DMP1: variants seen among roughly 807,000 people sequenced by gnomAD.
DMP1 encodes the protein dentin matrix acidic phosphoprotein 1, also known as dentin matrix protein 1.
DMP1 carries 20 observed loss-of-function variants against 14.6 expected under a neutral mutation model. The observed-to-expected ratio is 1.37, with a 90% confidence interval of 0.96 to 1.99. The LOEUF is 1.99. Among genes scored for constraint, DMP1 ranks in the 30% most tolerant of loss-of-function variants. The probability of loss-of-function intolerance (pLI) is 0.00; values close to 1 mark genes in which losing one functional copy is unlikely to be tolerated. For missense variants in DMP1, 567 were observed against 620.5 expected, an observed-to-expected ratio of 0.91 and a Z score of 0.92; for synonymous variants, 197 against 215.3, an observed-to-expected ratio of 0.91 and a Z score of 0.75.
Position 87,662,675 on chromosome 4 carries a change from C to T in DMP1, c.897C>T (p.Ser299=). 2 of 1,614,132 alleles carry T rather than the reference C, an allele frequency of 1.2e-6. No individual in the cohort carries two copies. Among genetic ancestry groups the T allele is most frequent in the Non-Finnish European group, 1.7e-6 (2 of 1,180,014 alleles). ...TCAAGAGTGACTCTACAGAAAACAG[C>T]AACTCCAGAGACACTGGCCTCAGCC... The part of the protein sequence containing the change: ...EEVKSDSTEN[S]NSRDTGLSQP... The change falls in exon 6 of 6, where the codon AGC becomes AGT. Residue 299 remains serine, a synonymous_variant. Coordinates refer to ENST00000339673, the MANE Select transcript of DMP1 (RefSeq NM_004407.4).
chr4:87,659,088 C>T lies in DMP1; in HGVS notation c.103-132C>T, dbSNP rs528203468. ...GGAACCATTTCATCATAAAATTTCA[C>T]TATTACTCATGTAAATGTAAGATCT... On this transcript the variant is annotated intron_variant, in intron 3 of 5. Coordinates refer to ENST00000339673, the MANE Select transcript of DMP1 (RefSeq NM_004407.4). The T allele has an allele frequency of 3.6e-4, 322 of 887,978 alleles. 10 individuals carry two copies. The South Asian group carries it at 4.5e-3, about 12-fold the overall frequency. 55.0% of individuals were successfully genotyped at this position (887,978 alleles called of 1,614,324 possible).
At chr4:87,650,662 C>T (rs779457142) in intron 1 of DMP1, among the ~76,000 whole-genome samples, 4 of 151,972 alleles carry the variant, frequency 2.6e-5, no homozygotes, top group Non-Finnish European at 5.9e-5. Flanking sequence ...GTTTATAGAA[C>T]AGGAGGCAGA....
At position 87,661,204 on chromosome 4, in the gene DMP1, ATTTTTTTTTTTTTTTTTTTTTTT is replaced by A. The variant is rs70957272; in HGVS notation, c.184-744_184-722del. Among the ~76,000 whole-genome samples the A allele has an allele frequency of 6.2e-3, 415 of 66,670 alleles. 6 individuals are homozygous for A. Among genetic ancestry groups the A allele is most frequent in the African/African-American group, 0.023 (391 of 16,790 alleles). The allele number at this position is 66,670 out of a possible 152,430, so 43.7% of individuals were successfully genotyped here. A position where few individuals can be genotyped will look rare whatever the true frequency, so the allele number is the denominator to read the frequency against. On this transcript the variant is annotated intron_variant, in intron 5 of 5. Transcript: ENST00000339673. Reference sequence around the variant, plus strand: ...AGGTTTGTGGCACCACAGCCAGCTAATTTTTTTTTTTTTTTTTTTTTTTTTTTTTTTTTTTTGAGACGGAGTCT... The same window carrying A: ...AGGTTTGTGGCACCACAGCCAGCTAATTTTTTTTTTTTTGAGACGGAGTCT...
chr4:87,654,763 T>A (rs1183953109), intron 1 of DMP1, among the ~76,000 whole-genome samples: 1 of 152,210 alleles, frequency 6.6e-6, no homozygotes, highest in East Asian at 1.9e-4. Context: ...TCATGCTCAG[T>A]GAATCTGCAT....
intron 3 of DMP1, 183 bp from the exon 4 acceptor site, chr4:87,659,037 G>A (rs1728778798): frequency 1.6e-6 from 1 of 643,360 alleles, no homozygotes; most frequent in Non-Finnish European, 2.8e-6. Context: ...ATCTTTTCAA[G>A]CCATTAGTCA....
intron 3 of DMP1, 141 bp from the exon 4 acceptor site, chr4:87,659,078 TA>T: frequency 2.4e-6 from 2 of 834,778 alleles, no homozygotes; most frequent in South Asian, 1.6e-5. Flanking sequence ...CATTTCATCA[TA>T]AAATTTCACT....
chr4:87,661,367 G>A (rs1380640263), intron 5 of DMP1, among the ~76,000 whole-genome samples: 5 of 151,860 alleles, frequency 3.3e-5, no homozygotes, highest in African/African-American at 7.3e-5. Flanking sequence ...GACTACAGGC[G>A]CCCGCCACCT....
At chr4:87,652,390 A>G (rs1046117607) in intron 1 of DMP1, among the ~76,000 whole-genome samples, 3 of 152,210 alleles carry the variant, frequency 2.0e-5, no homozygotes, top group African/African-American at 7.2e-5. Flanking sequence ...TATTTTTATC[A>G]GAAATACCAA....
Position 87,662,683 on chromosome 4 carries a change from G to T in DMP1, c.905G>T (p.Arg302Ile), listed in dbSNP as rs376055601. The T allele has an allele frequency of 1.8e-5, 29 of 1,614,028 alleles. No individual in the cohort carries two copies. The highest frequency in any genetic ancestry group is 5.0e-5 in the Admixed American group (3 of 59,996). Residue 302 changes from arginine to isoleucine, a missense_variant, in exon 6 of 6, where the codon AGA becomes ATA. Transcript: ENST00000339673. The part of the protein sequence containing the change: ...KSDSTENSNS[R>I]DTGLSQPRRD... ...GACTCTACAGAAAACAGCAACTCCAGAGACACTGGCCTCAGCCAACCCAGG... is the reference window on the plus strand; with the variant it reads ...GACTCTACAGAAAACAGCAACTCCATAGACACTGGCCTCAGCCAACCCAGG...
In DMP1 at chr4:87,657,031, G is replaced by C. The variant is rs587776697; in HGVS notation, c.55-1G>C. ...TTTACCATGTGTACTAAATTTTCTAGGTAACCAGGTATCAAAATAATGAAT... is the reference window on the plus strand; with the variant it reads ...TTTACCATGTGTACTAAATTTTCTACGTAACCAGGTATCAAAATAATGAAT... On this transcript the variant is annotated splice_acceptor_variant, in intron 2 of 5. Transcript: ENST00000339673. LOFTEE classifies it high-confidence loss of function. 9.1e-6 allele frequency: 14 copies of C among 1,539,902 alleles called. No homozygotes were observed. The highest frequency in any genetic ancestry group is 1.7e-5 in the Admixed American group (1 of 59,892).
rs764786698 is a variant in DMP1 at position 87,659,466 on chromosome 4, C to G, written c.171C>G (p.Ser57Arg). 1 of 1,613,820 alleles carries G rather than the reference C, an allele frequency of 6.2e-7. No homozygotes were observed. The highest frequency in any genetic ancestry group is 2.2e-5 in the East Asian group (1 of 44,868). ...SSESSEGSKV[S>R]SEEQANEDPS... is the part of the protein sequence containing the mutation. ...AGTCATCAGAAGGCAGTAAAGTTAG[C>G]TCAGAGGAACAGGTAATTAAACAGA... The change falls in exon 5 of 6, where the codon AGC becomes AGG. Residue 57 changes from serine to arginine, a missense_variant. By Grantham distance (110) the Ser-to-Arg change is moderately radical (BLOSUM62 -1). Coordinates refer to ENST00000339673, the MANE Select transcript of DMP1 (RefSeq NM_004407.4).
rs145164698 is a variant in DMP1 at position 87,662,116 on chromosome 4, C to A, written c.338C>A (p.Thr113Asn). 6.2e-7 allele frequency: 1 copy of A among 1,614,168 alleles called. No homozygotes were observed. Among genetic ancestry groups the A allele is most frequent in the East Asian group, 2.2e-5 (1 of 44,876 alleles). The change falls in exon 6 of 6, where the codon ACC becomes AAC. Residue 113 changes from threonine (T) to asparagine (N), a missense_variant. Transcript: ENST00000339673. The stretch of plus-strand genomic sequence containing the variant: ...GATGAAGATGACAGTGGAGATGACA[C>A]CTTTGGTGACGATGACAGTGGCCCA... ...DDDEDDSGDD[T>N]FGDDDSGPGP...
chr4:87,654,135 C>G (rs533082511), intron 1 of DMP1, among the ~76,000 whole-genome samples: 8 of 152,114 alleles, frequency 5.3e-5, no homozygotes, highest in African/African-American at 1.9e-4. Flanking sequence ...CTCTGCAATG[C>G]GGGTCTTATG....
chr4:87,662,467 C>T lies in DMP1; in HGVS notation c.689C>T (p.Ser230Phe). 1.2e-6 allele frequency: 2 copies of T among 1,614,110 alleles called. No individual in the cohort carries two copies. The highest frequency in any genetic ancestry group is 1.7e-6 in the Non-Finnish European group (2 of 1,180,034). Reference protein sequence around the residue: ...PESIRSERGNSRMNSAGMKSK... With the variant: ...PESIRSERGNFRMNSAGMKSK... ...AGCATCAGGAGTGAAAGGGGAAACTCCAGAATGAACAGTGCAGGCATGAAA... is the reference window on the plus strand; with the variant it reads ...AGCATCAGGAGTGAAAGGGGAAACTTCAGAATGAACAGTGCAGGCATGAAA... The change falls in exon 6 of 6, where the codon TCC becomes TTC. Residue 230 changes from serine (S) to phenylalanine (F), a missense_variant. Physicochemically the swap from Ser to Phe is radical, Grantham distance 155. Transcript: ENST00000339673.
chr4:87,664,251 G>A lies in DMP1; in HGVS notation c.*931G>A, dbSNP rs1729025783. On this transcript the variant is annotated 3_prime_UTR_variant, in exon 6 of 6. Transcript: ENST00000339673. ...AAAACTGTTCTCTGAGTCCTTTACAGAGCAAAATTCTGTATGTAAGATTCA... is the reference window on the plus strand; with the variant it reads ...AAAACTGTTCTCTGAGTCCTTTACAAAGCAAAATTCTGTATGTAAGATTCA... 6.6e-6 allele frequency: 1 copy of A among 152,524 alleles called. No homozygotes were observed. Among genetic ancestry groups the A allele is most frequent in the African/African-American group, 2.4e-5 (1 of 41,424 alleles). 9.4% of individuals were successfully genotyped at this position (152,524 alleles called of 1,614,324 possible). A position where few individuals can be genotyped will look rare whatever the true frequency, so the allele number is the denominator to read the frequency against.
Position 87,663,228 on chromosome 4 carries a change from A to G in DMP1, c.1450A>G (p.Ile484Val), listed in dbSNP as rs1478007194. ...SSEEDGQLKN[I>V]EIESRKLTVD... ...TGAGGAAGATGGCCAGTTGAAAAAC[A>G]TTGAGATAGAGAGCCGGAAATTAAC... The change falls in exon 6 of 6, where the codon ATT (isoleucine) becomes GTT (valine). Residue 484 changes from isoleucine (I) to valine (V), a missense_variant. Coordinates refer to ENST00000339673, the MANE Select transcript of DMP1 (RefSeq NM_004407.4). 2 of 1,614,142 alleles carry G rather than the reference A, an allele frequency of 1.2e-6. No individual in the cohort carries two copies. Among genetic ancestry groups the G allele is most frequent in the East Asian group, 2.2e-5 (1 of 44,898 alleles).
intron 3 of DMP1, chr4:87,658,689 A>C (rs1728769829): frequency 1.2e-5 from 2 of 166,474 alleles, no homozygotes; most frequent in South Asian, 3.0e-4. Flanking sequence ...GTGGGTGTTA[A>C]TTTCCTTAAT....
rs768472543 is a variant in DMP1 at position 87,663,188 on chromosome 4, G to A, written c.1410G>A (p.Glu470=). 1.2e-6 allele frequency: 2 copies of A among 1,614,178 alleles called. No individual in the cohort carries two copies. Among genetic ancestry groups the A allele is most frequent in the South Asian group, 2.2e-5 (2 of 91,074 alleles). ...CCAAAGAAGATAGCAACTCCACGGAGAGCAAATCAAGCAGTGAGGAAGATG... is the reference window on the plus strand; with the variant it reads ...CCAAAGAAGATAGCAACTCCACGGAAAGCAAATCAAGCAGTGAGGAAGATG... ...SRSKEDSNST[E]SKSSSEEDGQ... is the part of the protein sequence containing the mutation. Residue 470 remains glutamate, a synonymous_variant, in exon 6 of 6, where the codon GAG becomes GAA. Transcript: ENST00000339673.
In DMP1 at chr4:87,662,362, G is replaced by C. The variant is rs764631837; in HGVS notation, c.584G>C (p.Gly195Ala). ...QESESEEHWVGGGSDGESSHG... is the reference protein window; with the variant it reads ...QESESEEHWVAGGSDGESSHG... ...AGTGAGAGTGAAGAGCACTGGGTGG[G>C]AGGTGGCAGTGATGGGGAGAGCAGC... The change falls in exon 6 of 6, where the codon GGA becomes GCA. Residue 195 changes from glycine (G) to alanine (A), a missense_variant. Gly to Ala is a moderately conservative substitution (Grantham distance 60, BLOSUM62 0). Coordinates refer to ENST00000339673, the MANE Select transcript of DMP1 (RefSeq NM_004407.4). 1.2e-6 allele frequency: 2 copies of C among 1,614,158 alleles called. No individual in the cohort carries two copies. Among genetic ancestry groups the C allele is most frequent in the Admixed American group, 3.3e-5 (2 of 60,020 alleles).
Sources: allele counts gnomAD v4.1 joint callset (sites outside exome capture counted in the v4.1 genomes callset), GRCh38; gene constraint gnomAD v4.1.1; transcripts MANE v1.5; gene names NCBI Gene and HGNC (gene_info 2026-07-23, HGNC 2026-07-21).